The following SGCD variants were observed in gnomAD, a reference collection of about 807,000 sequenced individuals.
SGCD encodes delta-sarcoglycan.
A neutral mutation model predicts 36.6 loss-of-function variants in SGCD; 18 were observed. The observed-to-expected ratio is 0.49, with a 90% CI of 0.34 to 0.73. SGCD has a LOEUF of 0.73. Among genes scored for constraint, SGCD ranks in the 30% least tolerant of loss-of-function variants. SGCD has a pLI of 0.01. For missense variants in SGCD, 387 were observed against 346.7 expected, an observed-to-expected ratio of 1.12 and a Z score of -0.92; for synonymous variants, 133 against 130.6, an observed-to-expected ratio of 1.02 and a Z score of -0.12.
the SGCD span, among the ~76,000 whole-genome samples, chr5:155,826,101 A>G: frequency 6.6e-6 from 1 of 152,210 alleles, no homozygotes; most frequent in Non-Finnish European, 1.5e-5. Context: ...GGTGAATCCT[A>G]TTGCTGGTGT....
chr5:156,483,270 A>G (rs1367291288), intron 3 of SGCD, among the ~76,000 whole-genome samples: 1 of 152,144 alleles, frequency 6.6e-6, no homozygotes, highest in Non-Finnish European at 1.5e-5. Flanking sequence ...AGCCCCCATG[A>G]TCAAGCACTT....
chr5:156,348,795 G>A (rs1429146849), intron 3 of SGCD, among the ~76,000 whole-genome samples: 1 of 151,990 alleles, frequency 6.6e-6, no homozygotes, highest in Non-Finnish European at 1.5e-5. Flanking sequence ...AATGGCCAAA[G>A]TAATTCTAAG....
At chr5:156,109,171 C>T (rs1039950087) in intron 1 of SGCD, among the ~76,000 whole-genome samples, 4 of 152,078 alleles carry the variant, frequency 2.6e-5, no homozygotes, top group Non-Finnish European at 4.4e-5. Flanking sequence ...ACTGATAGGT[C>T]CTTTGATCTC....
chr5:155,780,429 G>A, the SGCD span, among the ~76,000 whole-genome samples: 10 of 152,142 alleles, frequency 6.6e-5, no homozygotes, highest in Non-Finnish European at 1.5e-4. Flanking sequence ...CGGAACTCCT[G>A]TCAGAGTTCC....
intron 1 of SGCD, among the ~76,000 whole-genome samples, chr5:155,972,455 A>C (rs1758025295): frequency 6.6e-6 from 1 of 152,172 alleles, no homozygotes; most frequent in Admixed American, 6.6e-5. Flanking sequence ...ATTTTTAATG[A>C]CTACATGGTA....
the SGCD span, among the ~76,000 whole-genome samples, chr5:155,728,360 C>G: frequency 6.6e-6 from 1 of 152,192 alleles, no homozygotes; most frequent in African/African-American, 2.4e-5. Flanking sequence ...GCCCTCCATG[C>G]TGCGGGAGCT....
At chr5:156,210,540 A>C (rs1051250164) in intron 3 of SGCD, among the ~76,000 whole-genome samples, 12 of 152,038 alleles carry the variant, frequency 7.9e-5, no homozygotes, top group African/African-American at 2.9e-4. Flanking sequence ...AAAATCAAGA[A>C]TATACAGAGA....
At chr5:155,830,461 G>A in the SGCD span, among the ~76,000 whole-genome samples, 1 of 152,144 alleles carries the variant, frequency 6.6e-6, no homozygotes, top group African/African-American at 2.4e-5. Flanking sequence ...ATTTTATGGG[G>A]TAGGGATTTA....
intron 4 of SGCD, among the ~76,000 whole-genome samples, chr5:156,544,046 C>T (rs1285555022): frequency 2.6e-5 from 4 of 152,078 alleles, no homozygotes; most frequent in African/African-American, 4.8e-5. Flanking sequence ...CTCTGAAAAG[C>T]GAGATATGTT....
At chr5:156,209,859 C>T (rs1039878025) in intron 3 of SGCD, among the ~76,000 whole-genome samples, 1 of 152,138 alleles carries the variant, frequency 6.6e-6, no homozygotes, top group African/African-American at 2.4e-5. Flanking sequence ...ACACCAGGTC[C>T]CTTACACCCA....
chr5:156,423,561 A>C (rs1157202530), intron 3 of SGCD, among the ~76,000 whole-genome samples: 1 of 149,916 alleles, frequency 6.7e-6, no homozygotes, highest in Non-Finnish European at 1.5e-5. Flanking sequence ...ATCTAGCATC[A>C]TTTCTTGTTT....
At chr5:156,534,753 C>T (rs936050041) in intron 4 of SGCD, among the ~76,000 whole-genome samples, 6 of 152,192 alleles carry the variant, frequency 3.9e-5, no homozygotes, top group African/African-American at 1.4e-4. Context: ...GTACTTCAGT[C>T]TCTCTATCCG....
chr5:155,982,576 C>T (rs1380667186), intron 1 of SGCD, among the ~76,000 whole-genome samples: 2 of 152,150 alleles, frequency 1.3e-5, no homozygotes, highest in African/African-American at 4.8e-5. Context: ...CTCTCTCTCT[C>T]CAGGTTACTC....
At chr5:156,190,754 T>C in intron 3 of SGCD, among the ~76,000 whole-genome samples, 1 of 152,100 alleles carries the variant, frequency 6.6e-6, no homozygotes, top group East Asian at 1.9e-4. Context: ...AAAAAGGTGG[T>C]AGTTTCCACT....
At chr5:156,351,450 T>C (rs1209254234) in intron 3 of SGCD, among the ~76,000 whole-genome samples, 1 of 152,130 alleles carries the variant, frequency 6.6e-6, no homozygotes, top group African/African-American at 2.4e-5. Context: ...TGATTTTTGA[T>C]AAGTTTCTCA....
chr5:156,230,578 G>A (rs752952009), intron 3 of SGCD, among the ~76,000 whole-genome samples: 5 of 152,152 alleles, frequency 3.3e-5, no homozygotes, highest in Non-Finnish European at 5.9e-5. Flanking sequence ...TAATTGGGGT[G>A]TCTCCTGGGT....
At chr5:156,324,743 CTTCT>C (rs1767761096), upstream of SGCD, among the ~76,000 whole-genome samples, 1 of 149,284 alleles carries the variant, frequency 6.7e-6, no homozygotes, top group African/African-American at 2.6e-5. Context: ...CTATTTAAAA[CTTCT>C]TTTTTTTTTT....
intron 7 of SGCD, among the ~76,000 whole-genome samples, chr5:156,736,681 T>A (rs1306701946): frequency 6.6e-6 from 1 of 152,154 alleles, no homozygotes; most frequent in Non-Finnish European, 1.5e-5. Flanking sequence ...TCATTCCACC[T>A]TACTGAGCCT....
intron 1 of SGCD, among the ~76,000 whole-genome samples, chr5:155,951,237 A>G (rs1581008342): frequency 6.6e-6 from 1 of 152,206 alleles, no homozygotes; most frequent in East Asian, 1.9e-4. Context: ...ATACAGGATC[A>G]TTATAGCTGC....
Sources: allele counts gnomAD v4.1 joint callset (sites outside exome capture counted in the v4.1 genomes callset), GRCh38; gene constraint gnomAD v4.1.1; transcripts MANE v1.5; gene names NCBI Gene and HGNC (gene_info 2026-07-23, HGNC 2026-07-21).